Variants in NSUN7 observed in about 807,000 individuals in gnomAD.
NSUN7 encodes the protein NOP2/Sun RNA methyltransferase family member 7, also known as protein NSUN7.
In NSUN7, 39 loss-of-function variants were observed where a neutral mutation model predicts 58.5. The ratio of observed to expected loss-of-function variants is 0.67; its 90% CI spans 0.52 to 0.87. The LOEUF is 0.87. Among genes scored for constraint, NSUN7 ranks in the 40% least tolerant of loss-of-function variants. The pLI, the probability that NSUN7 is intolerant of heterozygous loss-of-function variation, is 0.00. For synonymous variants in NSUN7, 278 were observed against 303.7 expected (o/e 0.92, Z 0.88); for missense variants, 765 against 844.1 (o/e 0.91, Z 1.16).
rs1560561829 is a variant in NSUN7, at chr4:40,794,413, T to C, written c.1219T>C (p.Ser407Pro). 2 of 1,612,424 alleles carry C rather than the reference T, an allele frequency of 1.2e-6. No individual in the cohort carries two copies. Among genetic ancestry groups the C allele is most frequent in the East Asian group, 2.2e-5 (1 of 44,780 alleles). Residue 407 changes from serine (S) to proline (P), a missense_variant, in exon 9 of 12, where the codon TCA becomes CCA. Coordinates refer to ENST00000381782, the MANE Select transcript of NSUN7 (RefSeq NM_024677.6). ...FLKDHSQGGI[S>P]VDKLHVLAQQ... ...TAAAGATCACTCTCAAGGAGGCATCTCAGTGGACAAACTTCACGTTCTTGC... is the reference window on the plus strand; with the variant it reads ...TAAAGATCACTCTCAAGGAGGCATCCCAGTGGACAAACTTCACGTTCTTGC...
chr4:40,805,241 G>C (rs528942182), intron 10 of NSUN7, among the ~76,000 whole-genome samples: 1 of 152,274 alleles, frequency 6.6e-6, no homozygotes, highest in Non-Finnish European at 1.5e-5. Context: ...GCACAGCCAG[G>C]TTCTCTGCTC....
chr4:40,765,843 A>G (rs1411227349), intron 4 of NSUN7, among the ~76,000 whole-genome samples: 2 of 152,128 alleles, frequency 1.3e-5, no homozygotes, highest in Admixed American at 6.5e-5. Context: ...CTTTGAAGCA[A>G]TTGTGAATGG....
At position 40,786,667 on chromosome 4, in the gene NSUN7, A is replaced by T. The variant is rs1277033346; in HGVS notation, c.1037-3935A>T. ...AGGACTTGAGAAACTACATGATATG[A>T]TCATTAAAAGAAGAAAAATGTTGCG... On this transcript the variant is annotated intron_variant, in intron 7 of 11. Coordinates refer to ENST00000381782, the MANE Select transcript of NSUN7 (RefSeq NM_024677.6). 2.5e-6 allele frequency: 4 copies of T among 1,581,558 alleles called. No individual in the cohort carries two copies. The Admixed American group carries it at 7.8e-5, about 31-fold the overall frequency.
At chr4:40,757,666 CAT>C (rs1491105748) in intron 2 of NSUN7, among the ~76,000 whole-genome samples, 1 of 136,074 alleles carries the variant, frequency 7.3e-6, no homozygotes, top group African/African-American at 2.8e-5. Flanking sequence ...TATATATATA[CAT>C]TGTGTGTATA....
At chr4:40,800,689 A>G (rs966728839) in intron 10 of NSUN7, among the ~76,000 whole-genome samples, 4 of 152,188 alleles carry the variant, frequency 2.6e-5, no homozygotes, top group Non-Finnish European at 5.9e-5. Context: ...TTTAGACTTA[A>G]TGTCTAACAT....
rs1409305597 is a variant in NSUN7 at position 40,761,227 on chromosome 4, AT to A, written c.417del (p.Gln140LysfsTer18). 6.3e-7 allele frequency: 1 copy of A among 1,585,760 alleles called. No homozygotes were observed. The highest frequency in any genetic ancestry group is 8.5e-7 in the Non-Finnish European group (1 of 1,171,424). On this transcript the variant is annotated frameshift_variant, in exon 4 of 12. Transcript: ENST00000381782. LOFTEE classifies it high-confidence loss of function. ...TGCTATATGATTTCCAAGATAGAAA[AT>A]TTCAAACTCGTGTCCTTTCTGATAA... is the stretch of plus-strand genomic sequence containing the variant. ...VMLYDFQDRK[F>X]QTRVLSDNEE...
At chr4:40,771,509 AAG>A (rs1214353291) in intron 4 of NSUN7, among the ~76,000 whole-genome samples, 2 of 152,054 alleles carry the variant, frequency 1.3e-5, no homozygotes, top group African/African-American at 4.8e-5. Flanking sequence ...AAGAGAGAGA[AAG>A]AGGAGATGTG....
At chr4:40,764,096 CT>C (rs1741593100) in intron 4 of NSUN7, among the ~76,000 whole-genome samples, 2 of 150,494 alleles carry the variant, frequency 1.3e-5, no homozygotes, top group African/African-American at 2.4e-5. Context: ...TATTATTATA[CT>C]TTAAGTTTTA....
intron 7 of NSUN7, among the ~76,000 whole-genome samples, chr4:40,780,187 T>C (rs902368465): frequency 1.3e-5 from 2 of 151,920 alleles, no homozygotes; most frequent in African/African-American, 4.8e-5. Context: ...GGCTGAGGCA[T>C]GAGAATCACT....
At chr4:40,762,368 T>C (rs1430563937) in intron 4 of NSUN7, among the ~76,000 whole-genome samples, 1 of 152,200 alleles carries the variant, frequency 6.6e-6, no homozygotes, top group Non-Finnish European at 1.5e-5. Context: ...AGTGAATAAG[T>C]GAATAATCTG....
chr4:40,786,353 A>T, intron 7 of NSUN7: 1 of 1,612,094 alleles, frequency 6.2e-7, no homozygotes, highest in Non-Finnish European at 8.5e-7. Flanking sequence ...GGTCAGGAGA[A>T]ATTAAGGCCA....
At chr4:40,794,523 T>C (rs758175598) in intron 9 of NSUN7, 47 bp downstream of exon 9, 9 of 1,095,090 alleles carry the variant, frequency 8.2e-6, no homozygotes, top group Non-Finnish European at 1.1e-5. Flanking sequence ...GTGTACATTT[T>C]AGAAATATTA....
At chr4:40,808,029 CA>C (rs397878278) in intron 11 of NSUN7, among the ~76,000 whole-genome samples, 19,470 of 60,058 alleles carry the variant, frequency 0.32, 780 homozygotes, top group Middle Eastern at 0.35. Flanking sequence ...GACTCCATCT[CA>C]AAAAAAAAAA....
intron 2 of NSUN7, among the ~76,000 whole-genome samples, chr4:40,757,226 C>G (rs952000108): frequency 3.0e-4 from 45 of 152,122 alleles, no homozygotes; most frequent in African/African-American, 1.1e-3. Context: ...AAGATTCCAT[C>G]TCAATAAATA....
At chr4:40,753,133 A>G (rs1472472972) in intron 2 of NSUN7, among the ~76,000 whole-genome samples, 2 of 152,200 alleles carry the variant, frequency 1.3e-5, no homozygotes, top group African/African-American at 4.8e-5. Flanking sequence ...TTAGTACTCA[A>G]TAAGAAAAGC....
chr4:40,760,862 C>CAAAA (rs540410744), intron 3 of NSUN7, among the ~76,000 whole-genome samples: 6 of 60,192 alleles, frequency 1.0e-4, no homozygotes, highest in African/African-American at 2.6e-4. Flanking sequence ...AACTCCGTCT[C>CAAAA]AAAAAAAAAA....
chr4:40,789,882 C>T (rs1037544574), intron 7 of NSUN7, among the ~76,000 whole-genome samples: 3 of 151,928 alleles, frequency 2.0e-5, no homozygotes, highest in African/African-American at 4.8e-5. Context: ...TGATAGCCAC[C>T]GCAAAAGTAG....
At position 40,808,933 on chromosome 4, in the gene NSUN7, G is replaced by T. The variant is rs1744023881; in HGVS notation, c.2151G>T (p.Trp717Cys). Residue 717 changes from tryptophan to cysteine, a missense_variant, in exon 12 of 12, where the codon TGG becomes TGT. Physicochemically the swap from Trp to Cys is radical, Grantham distance 215. Transcript: ENST00000381782. The part of the protein sequence containing the change: ...PSSLLRPPRR[W>C]L The stretch of plus-strand genomic sequence containing the variant: ...CCCTACTCAGGCCTCCTCGGCGATG[G>T]CTTTGATTGTCTTGTGTTTTTTATA... 1 of 1,514,714 alleles carries T rather than the reference G, an allele frequency of 6.6e-7. No homozygotes were observed. The highest frequency in any genetic ancestry group is 8.8e-7 in the Non-Finnish European group (1 of 1,133,264). 93.8% of individuals were successfully genotyped at this position (1,514,714 alleles called of 1,614,324 possible). A position where few individuals can be genotyped will look rare whatever the true frequency, so the allele number is the denominator to read the frequency against.
chr4:40,780,811 ATATTTTTTTTTTT>A (rs1742521600), intron 7 of NSUN7, among the ~76,000 whole-genome samples: 1 of 94,110 alleles, frequency 1.1e-5, no homozygotes, highest in Non-Finnish European at 2.0e-5. Flanking sequence ...ATATATATAT[ATATTTTTTTTTTT>A]TTTTTTTTTT....
Sources: allele counts gnomAD v4.1 joint callset (sites outside exome capture counted in the v4.1 genomes callset), GRCh38; gene constraint gnomAD v4.1.1; transcripts MANE v1.5; gene names NCBI Gene and HGNC (gene_info 2026-07-23, HGNC 2026-07-21).